NSFL1C: variants seen among roughly 807,000 people sequenced by gnomAD.
The protein encoded by NSFL1C is NSFL1 cofactor p47.
NSFL1C carries 14 observed loss-of-function variants against 43.1 expected under a neutral mutation model. That is an observed-to-expected ratio of 0.32 (90% CI 0.21 to 0.51). The LOEUF (loss-of-function observed/expected upper bound fraction) is 0.51, where lower values mean the gene tolerates loss of function less well. NSFL1C is among the 20% of genes least tolerant of loss of function. NSFL1C has a pLI of 0.98. For missense variants in NSFL1C, 406 were observed against 472.5 expected, an observed-to-expected ratio of 0.86 and a Z score of 1.30; for synonymous variants, 171 against 183.5, an observed-to-expected ratio of 0.93 and a Z score of 0.55.
chr20:1,463,922 AC>A, intron 2 of NSFL1C: 1 of 170,924 alleles, frequency 5.9e-6, no homozygotes, highest in Non-Finnish European at 1.2e-5. Context: ...TTTATTTTGT[AC>A]AAGACTTCTT....
chr20:1,443,203 G>T lies in NSFL1C; in HGVS notation c.*546C>A, dbSNP rs13063. On this transcript the variant is annotated 3_prime_UTR_variant, in exon 9 of 9. Coordinates refer to ENST00000216879, the MANE Select transcript of NSFL1C (RefSeq NM_016143.5). Reference sequence around the variant, plus strand: ...ACCTTCTGAAGACACTGTGTGCATGGAGCTCTGACTTCCCACTTCAGGGAA... The same window carrying T: ...ACCTTCTGAAGACACTGTGTGCATGTAGCTCTGACTTCCCACTTCAGGGAA... 0.55 allele frequency: 83,912 copies of T among 153,044 alleles called. 23,217 individuals carry two copies. Among genetic ancestry groups the T allele is most frequent in the East Asian group, 0.79 (4,080 of 5,184 alleles). The allele number at this position is 153,044 out of a possible 1,614,324, so 9.5% of individuals were successfully genotyped here. A position where few individuals can be genotyped will look rare whatever the true frequency, so the allele number is the denominator to read the frequency against.
chr20:1,465,341 A>T (rs956150379), intron 1 of NSFL1C, among the ~76,000 whole-genome samples: 13 of 152,202 alleles, frequency 8.5e-5, no homozygotes, highest in Non-Finnish European at 1.5e-4. Flanking sequence ...CCATGTAGTG[A>T]ACTGGCATTC....
At position 1,458,216 on chromosome 20, in the gene NSFL1C, C is replaced by T; in HGVS notation, c.262G>A (p.Glu88Lys). 1 of 1,613,718 alleles carries T rather than the reference C, an allele frequency of 6.2e-7. No individual in the cohort carries two copies. The highest frequency in any genetic ancestry group is 2.2e-5 in the East Asian group (1 of 44,866). The stretch of plus-strand genomic sequence containing the variant: ...AAGACTCACCTCTGGCCTTCCTCTT[C>T]CTCCTCATCTTCATCTTGGTCATGA... ...LIHDQDEDEEEEEGQRFYAGG... is the reference protein window; with the variant it reads ...LIHDQDEDEEKEEGQRFYAGG... Residue 88 changes from glutamate to lysine, a missense_variant, in exon 3 of 9, where the codon GAA becomes AAA. Glu to Lys is a moderately conservative substitution (Grantham distance 56). This residue lies in a region of NSFL1C where 203 missense variants were observed against 216.3 expected (regional missense o/e 0.94). Coordinates refer to ENST00000216879, the MANE Select transcript of NSFL1C (RefSeq NM_016143.5).
intron 8 of NSFL1C, among the ~76,000 whole-genome samples, chr20:1,444,805 G>T (rs1219496650): frequency 6.6e-6 from 1 of 152,190 alleles, no homozygotes; most frequent in Non-Finnish European, 1.5e-5. Flanking sequence ...TCACATCACT[G>T]GGATGGGTCA....
chr20:1,444,876 G>C (rs946335980), intron 8 of NSFL1C, among the ~76,000 whole-genome samples: 4 of 152,194 alleles, frequency 2.6e-5, no homozygotes, highest in African/African-American at 9.7e-5. Flanking sequence ...GGTCTCAATA[G>C]GCTCTAGATG....
At chr20:1,464,563 C>T in intron 1 of NSFL1C, 137 bp from the exon 2 acceptor site, 1 of 646,074 alleles carries the variant, frequency 1.5e-6, no homozygotes, top group South Asian at 2.0e-5. Context: ...AAAATTAGAC[C>T]AGAAGGTTAA....
Position 1,458,293 on chromosome 20 carries a change from G to A in NSFL1C, c.204-19C>T. 1 of 1,603,310 alleles carries A rather than the reference G, an allele frequency of 6.2e-7. No individual in the cohort carries two copies. The highest frequency in any genetic ancestry group is 1.7e-5 in the Admixed American group (1 of 59,980). ...ATTATCACTGGAGACACAGAAAGGA[G>A]CAAAATGATCTCAGGGAGCATTAAG... On this transcript the variant is annotated intron_variant, in intron 2 of 8. Transcript: ENST00000216879.
chr20:1,461,438 G>C (rs2122949315), intron 2 of NSFL1C, among the ~76,000 whole-genome samples: 1 of 152,334 alleles, frequency 6.6e-6, no homozygotes, highest in South Asian at 2.1e-4. Flanking sequence ...GAAAGCAAGA[G>C]AGCGGGCACA....
intron 2 of NSFL1C, among the ~76,000 whole-genome samples, chr20:1,461,246 T>A (rs1347374414): frequency 1.3e-5 from 2 of 152,194 alleles, no homozygotes; most frequent in Non-Finnish European, 2.9e-5. Flanking sequence ...CAGGGCAATG[T>A]GGGAGAGATG....
rs145487640 is a variant in NSFL1C, at chr20:1,449,588, C to G, written c.785+2905G>C. ...CAGCTGGGCTACTGCTCCCAGTGAG[C>G]GGCTGGCCATCTGCAGCTGTGAGGG... On this transcript the variant is annotated intron_variant, in intron 7 of 8. Coordinates refer to ENST00000216879, the MANE Select transcript of NSFL1C (RefSeq NM_016143.5). Among the ~76,000 whole-genome samples the G allele has an allele frequency of 3.4e-3, 525 of 152,294 alleles. 1 individual carries two copies. Among genetic ancestry groups the G allele is most frequent in the African/African-American group, 0.012 (500 of 41,554 alleles).
chr20:1,447,323 C>T (rs540392339), intron 7 of NSFL1C, among the ~76,000 whole-genome samples: 1 of 152,142 alleles, frequency 6.6e-6, no homozygotes, highest in African/African-American at 2.4e-5. Flanking sequence ...AAGCTCTGCA[C>T]CAAGCTTGTC....
intron 3 of NSFL1C, chr20:1,456,348 G>A (rs1474121246): frequency 6.6e-6 from 1 of 152,516 alleles, no homozygotes; most frequent in Non-Finnish European, 1.5e-5. Flanking sequence ...TTTCACTCAG[G>A]AGTGTGAAAC....
intron 7 of NSFL1C, among the ~76,000 whole-genome samples, chr20:1,449,724 C>T (rs751346060): frequency 2.0e-5 from 3 of 152,130 alleles, no homozygotes; most frequent in Non-Finnish European, 4.4e-5. Flanking sequence ...AATTCAAGAG[C>T]CCGAATCACC....
chr20:1,445,861 G>C, intron 7 of NSFL1C, 31 bp from the exon 8 acceptor site: 1 of 1,608,798 alleles, frequency 6.2e-7, no homozygotes, highest in East Asian at 2.2e-5. Flanking sequence ...CAGAACACAA[G>C]CAGAAACAAG....
Position 1,443,615 on chromosome 20 carries a change from G to A in NSFL1C, c.*134C>T. On this transcript the variant is annotated 3_prime_UTR_variant, in exon 9 of 9. Transcript: ENST00000216879. ...AAACAAACGTCCAACCAAGATCTAA[G>A]AACCCAGAGCTATGGAGGAGACGTT... 1.3e-6 allele frequency: 1 copy of A among 786,910 alleles called. No homozygotes were observed. The highest frequency in any genetic ancestry group is 1.9e-6 in the Non-Finnish European group (1 of 515,764). The allele number at this position is 786,910 out of a possible 1,614,324, so 48.7% of individuals were successfully genotyped here. A position where few individuals can be genotyped will look rare whatever the true frequency, so the allele number is the denominator to read the frequency against.
chr20:1,455,214 T>C, intron 3 of NSFL1C, 82 bp from the exon 4 acceptor site: 2 of 1,458,580 alleles, frequency 1.4e-6, no homozygotes. Context: ...CTGGGCACAC[T>C]GAGGCAAAGG....
chr20:1,446,198 G>A (rs1406495104), intron 7 of NSFL1C: 3 of 346,508 alleles, frequency 8.7e-6, no homozygotes, highest in South Asian at 2.3e-5. Context: ...TAATAGAACA[G>A]GGTCAGTTTT....
Position 1,455,034 on chromosome 20 carries a change from G to A in NSFL1C, c.377C>T (p.Ala126Val), listed in dbSNP as rs1455813936. The A allele has an allele frequency of 1.9e-6, 3 of 1,614,060 alleles. No homozygotes were observed. The highest frequency in any genetic ancestry group is 1.7e-5 in the Admixed American group (1 of 60,010). ...NELVDDLFKGAKEHGAVAVER... is the reference protein window; with the variant it reads ...NELVDDLFKGVKEHGAVAVER... The stretch of plus-strand genomic sequence containing the variant: ...CACAGCTACAGCTCCATGCTCTTTG[G>A]CACCTTTAAAGAGATCATCCACCAG... Residue 126 changes from alanine (A) to valine (V), a missense_variant, in exon 4 of 9, where the codon GCC (alanine) becomes GTC (valine). Physicochemically the swap from Ala to Val is moderately conservative, Grantham distance 64. Transcript: ENST00000216879.
At chr20:1,445,570 G>T in intron 8 of NSFL1C, 96 bp downstream of exon 8, 3 of 1,394,194 alleles carry the variant, frequency 2.2e-6, no homozygotes, top group Non-Finnish European at 2.0e-6. Flanking sequence ...GTGCCTGCTG[G>T]TATTTAGGAG....
Sources: allele counts gnomAD v4.1 joint callset (sites outside exome capture counted in the v4.1 genomes callset), GRCh38; gene constraint gnomAD v4.1.1; regional missense constraint gnomAD v4.1.1; transcripts MANE v1.5; gene names NCBI Gene and HGNC (gene_info 2026-07-23, HGNC 2026-07-21).